The following PXDN variants were observed in gnomAD, a reference collection of about 807,000 sequenced individuals.
PXDN encodes the protein peroxidasin homolog.
A neutral mutation model predicts 140.3 loss-of-function variants in PXDN; 77 were observed. The observed-to-expected ratio is 0.55, with a 90% CI of 0.46 to 0.66. PXDN has a LOEUF of 0.66. Ranked by LOEUF, PXDN falls within the 30% of genes least tolerant of loss-of-function variation. The pLI, the probability that PXDN is intolerant of heterozygous loss-of-function variation, is 0.00. For synonymous variants in PXDN, 911 were observed against 857.4 expected (o/e 1.06, Z -1.09); for missense variants, 1,838 against 2,039.5 (o/e 0.90, Z 1.90).
intron 17 of PXDN, among the ~76,000 whole-genome samples, chr2:1,647,969 C>G (rs1013276408): frequency 6.6e-6 from 1 of 152,170 alleles, no homozygotes; most frequent in Non-Finnish European, 1.5e-5. Context: ...GTCCATCCAC[C>G]CCTGGCTCTG....
At chr2:1,718,972 T>C (rs1684954753) in intron 1 of PXDN, among the ~76,000 whole-genome samples, 2 of 152,332 alleles carry the variant, frequency 1.3e-5, no homozygotes, top group South Asian at 4.1e-4. Context: ...ACCTCGCAGA[T>C]GGCATGTGAG....
chr2:1,634,347 G>A, intron 22 of PXDN, 24 bp from the exon 23 acceptor site: 1 of 1,555,398 alleles, frequency 6.4e-7, no homozygotes, highest in Non-Finnish European at 8.7e-7. Context: ...ACGGAGCACA[G>A]CCTGTCAGCT....
At chr2:1,635,897 A>G (rs1185487154) in intron 21 of PXDN, 1 of 345,958 alleles carries the variant, frequency 2.9e-6, no homozygotes, top group Non-Finnish European at 5.6e-6. Context: ...TCCGAGTAAC[A>G]ACACCACTGG....
chr2:1,635,435 T>C lies in PXDN; in HGVS notation c.4293A>G (p.Lys1431=), dbSNP rs61976956. Residue 1431 remains lysine (K), a synonymous_variant, in exon 22 of 23, where the codon AAA becomes AAG. Transcript: ENST00000252804. ...ESHANNTKWK[K]DACTICECKD... Reference sequence around the variant, plus strand: ...TGCATTCACAAATGGTGCATGCATCTTTTTTCCACTTGGTGTTGTTGGCGT... The same window carrying C: ...TGCATTCACAAATGGTGCATGCATCCTTTTTCCACTTGGTGTTGTTGGCGT... The C allele has an allele frequency of 2.3e-3, 3,622 of 1,596,784 alleles. 61 individuals are homozygous for C. The African/African-American group carries it at 0.042, about 19-fold the overall frequency.
At chr2:1,731,912 T>C (rs762842370) in intron 1 of PXDN, among the ~76,000 whole-genome samples, 2 of 152,156 alleles carry the variant, frequency 1.3e-5, no homozygotes. Flanking sequence ...ACACCAGGAT[T>C]GAGTCATTTT....
chr2:1,727,721 AG>A (rs1464917915), intron 1 of PXDN, among the ~76,000 whole-genome samples: 3 of 152,164 alleles, frequency 2.0e-5, no homozygotes, highest in Admixed American at 2.0e-4. Context: ...AATCGCCGAG[AG>A]CCAGCTGAGT....
At chr2:1,681,611 G>C (rs879375273) in intron 6 of PXDN, among the ~76,000 whole-genome samples, 13 of 152,168 alleles carry the variant, frequency 8.5e-5, no homozygotes, top group Non-Finnish European at 1.8e-4. Context: ...TCCCAGACAT[G>C]AGCCCAGAGG....
intron 1 of PXDN, among the ~76,000 whole-genome samples, chr2:1,720,377 G>GGGGA: frequency 7.7e-6 from 1 of 129,258 alleles, no homozygotes; most frequent in Non-Finnish European, 1.7e-5. Flanking sequence ...GAGAGAGGGA[G>GGGGA]GGGAGGGATG....
rs77573255 is a variant in PXDN, at chr2:1,660,130, T to C, written c.1837+751A>G. Among the ~76,000 whole-genome samples the C allele has an allele frequency of 0.016, 2,364 of 152,196 alleles. 62 individuals carry two copies. The highest frequency in any genetic ancestry group is 0.054 in the African/African-American group (2,226 of 41,510). On this transcript the variant is annotated intron_variant, in intron 14 of 22. Coordinates refer to ENST00000252804, the MANE Select transcript of PXDN (RefSeq NM_012293.3). This position sits in a 1 kb window ranked among gnomAD's most constrained non-coding sequence, Gnocchi z 4.6. Reference sequence around the variant, plus strand: ...GATGAGGCGCAGGTTTGGGTCACACTGTGAAGACTCCATGCAAAGCTAAAG... The same window carrying C: ...GATGAGGCGCAGGTTTGGGTCACACCGTGAAGACTCCATGCAAAGCTAAAG...
intron 9 of PXDN, among the ~76,000 whole-genome samples, chr2:1,673,424 G>C (rs2125434017): frequency 6.6e-6 from 1 of 152,234 alleles, no homozygotes; most frequent in South Asian, 2.1e-4. Context: ...TGGACTATGA[G>C]TGTGTCCCCA....
At chr2:1,731,152 G>GCACACACACACACACACGCGCACA (rs1685304985) in intron 1 of PXDN, among the ~76,000 whole-genome samples, 1 of 135,968 alleles carries the variant, frequency 7.4e-6, no homozygotes, top group African/African-American at 2.8e-5. Context: ...GAGCGCGCGC[G>GCACACACACACACACACGCGCACA]CACACACACA....
chr2:1,650,466 C>CCAT (rs1230313352), intron 16 of PXDN, among the ~76,000 whole-genome samples: 1 of 152,174 alleles, frequency 6.6e-6, no homozygotes, highest in Non-Finnish European at 1.5e-5. Context: ...GTAGCCTGGG[C>CCAT]CATCACTCCA....
intron 7 of PXDN, among the ~76,000 whole-genome samples, chr2:1,679,005 T>A (rs908898629): frequency 6.6e-6 from 1 of 151,654 alleles, no homozygotes; most frequent in African/African-American, 2.4e-5. Flanking sequence ...AAAAAAAAAC[T>A]GTGTATTTTT....
chr2:1,719,212 C>T (rs1253733878), intron 1 of PXDN, among the ~76,000 whole-genome samples: 3 of 152,160 alleles, frequency 2.0e-5, no homozygotes, highest in Non-Finnish European at 2.9e-5. Context: ...CGTGTGGGAA[C>T]AGAGCCAGGG....
Position 1,633,094 on chromosome 2 carries a change from T to G in PXDN, c.*1110A>C, listed in dbSNP as rs1363691897. 6.6e-6 allele frequency: 1 copy of G among 152,342 alleles called. No individual in the cohort carries two copies. Among genetic ancestry groups the G allele is most frequent in the African/African-American group, 2.4e-5 (1 of 41,398 alleles). The allele number at this position is 152,342 out of a possible 1,614,324, so 9.4% of individuals were successfully genotyped here. On this transcript the variant is annotated 3_prime_UTR_variant, in exon 23 of 23. Transcript: ENST00000252804. ...GTGGAAATGGTTTTTCTGCCATATC[T>G]AATACCTAAAAAATGGACACAATTT...
chr2:1,668,456 T>C (rs1368795014), intron 9 of PXDN, among the ~76,000 whole-genome samples: 3 of 152,094 alleles, frequency 2.0e-5, no homozygotes, highest in Non-Finnish European at 4.4e-5. Context: ...ACAAATGGAA[T>C]CTAATTACAC....
chr2:1,651,379 G>A lies in PXDN; in HGVS notation c.2105-1704C>T, dbSNP rs542986846. Among the ~76,000 whole-genome samples the A allele has an allele frequency of 3.9e-5, 6 of 152,266 alleles. No individual in the cohort carries two copies. Among genetic ancestry groups the A allele is most frequent in the African/African-American group, 1.4e-4 (6 of 41,556 alleles). On this transcript the variant is annotated intron_variant, in intron 16 of 22. Coordinates refer to ENST00000252804, the MANE Select transcript of PXDN (RefSeq NM_012293.3). The surrounding 1 kb of genome is among the most constrained non-coding windows in gnomAD (Gnocchi z 4.4). ...CACCGACCCTGGCCCCAGTTTCCCA[G>A]GACTGGTTTGCCCACATCTGTCCTC... is the stretch of plus-strand genomic sequence containing the variant.
At chr2:1,666,148 C>T (rs1429352438) in intron 10 of PXDN, 66 bp downstream of exon 10, 5 of 1,575,644 alleles carry the variant, frequency 3.2e-6, no homozygotes, top group African/African-American at 2.7e-5. Context: ...GGTATGGCAG[C>T]GCGAGCTAGT....
intron 1 of PXDN, 58 bp downstream of exon 1, chr2:1,744,198 T>A: frequency 2.5e-6 from 3 of 1,217,000 alleles, no homozygotes; most frequent in Non-Finnish European, 3.2e-6. Flanking sequence ...ACCCCTGCGC[T>A]CCCGGATCTC....
Sources: allele counts gnomAD v4.1 joint callset (sites outside exome capture counted in the v4.1 genomes callset), GRCh38; gene constraint gnomAD v4.1.1; non-coding constraint Gnocchi (gnomAD v3.1); transcripts MANE v1.5; gene names NCBI Gene and HGNC (gene_info 2026-07-23, HGNC 2026-07-21).